Variants in ADGRF3 observed in about 807,000 individuals in gnomAD.
The protein encoded by ADGRF3 is G protein-coupled receptor 113.
A neutral mutation model predicts 93.2 loss-of-function variants in ADGRF3; 85 were observed. The observed-to-expected ratio is 0.91, with a 90% CI of 0.77 to 1.09. ADGRF3 has a LOEUF of 1.09. ADGRF3 is among the 50% of genes least tolerant of loss of function. The pLI is 0.00. For missense variants in ADGRF3, 1,125 were observed against 1,246.2 expected, an observed-to-expected ratio of 0.90 and a Z score of 1.46; for synonymous variants, 534 against 532.5, an observed-to-expected ratio of 1.00 and a Z score of -0.04.
chr2:26,323,686 A>G (rs1675282328), intron 1 of ADGRF3, among the ~76,000 whole-genome samples: 1 of 150,610 alleles, frequency 6.6e-6, no homozygotes, highest in Admixed American at 6.6e-5. Flanking sequence ...GTGAAGTACA[A>G]TGGTGCGATC....
intron 2 of ADGRF3, 93 bp from the exon 3 acceptor site, chr2:26,317,148 GA>G: frequency 7.3e-7 from 1 of 1,363,990 alleles, no homozygotes; most frequent in Non-Finnish European, 1.0e-6. Context: ...CCAGTCCCAG[GA>G]ATGCAGAGCA....
intron 1 of ADGRF3, among the ~76,000 whole-genome samples, chr2:26,343,226 A>G (rs1044720941): frequency 6.6e-6 from 1 of 152,152 alleles, no homozygotes; most frequent in Non-Finnish European, 1.5e-5. Context: ...AAACATGGTT[A>G]TATGGAGCAT....
At chr2:26,332,745 A>C (rs1179322112) in intron 1 of ADGRF3, among the ~76,000 whole-genome samples, 2 of 151,646 alleles carry the variant, frequency 1.3e-5, no homozygotes, top group African/African-American at 4.8e-5. Context: ...GTCTCAAAAA[A>C]TATATATACA....
chr2:26,314,480 T>C lies in ADGRF3; in HGVS notation c.862A>G (p.Ser288Gly). 1 of 1,613,990 alleles carries C rather than the reference T, an allele frequency of 6.2e-7. No homozygotes were observed. Among genetic ancestry groups the C allele is most frequent in the Non-Finnish European group, 8.5e-7 (1 of 1,179,878 alleles). ...AGGTTTGTGCTGGGGATGCAGCAGC[T>C]CAGCTGGAAGCCAGGGGAGGTGGCA... ...SCATSPGFQL[S>G]CCIPSTNLAY... Residue 288 changes from serine to glycine, a missense_variant, in exon 6 of 14, where the codon AGC (serine) becomes GGC (glycine). Transcript: ENST00000651242.
intron 5 of ADGRF3, 103 bp downstream of exon 5, chr2:26,315,419 G>T: frequency 8.4e-7 from 1 of 1,189,558 alleles, no homozygotes; most frequent in Non-Finnish European, 1.2e-6. Context: ...GAGAAGGGAG[G>T]GAGGCGTGGG....
intron 1 of ADGRF3, among the ~76,000 whole-genome samples, 170 bp from the exon 2 acceptor site, chr2:26,317,732 G>C (rs148960050): frequency 8.5e-4 from 130 of 152,316 alleles, no homozygotes; most frequent in African/African-American, 3.0e-3. Flanking sequence ...GGGTGCCAGG[G>C]ATGCAACCCC....
intron 13 of ADGRF3, 121 bp downstream of exon 13, chr2:26,309,405 T>C: frequency 6.5e-7 from 1 of 1,531,052 alleles, no homozygotes; most frequent in Non-Finnish European, 8.8e-7. Context: ...TTTCCTACCC[T>C]TTGGTGTGGG....
At chr2:26,312,878 C>T in intron 9 of ADGRF3, 65 bp downstream of exon 9, 1 of 1,460,818 alleles carries the variant, frequency 6.8e-7, no homozygotes, top group African/African-American at 1.4e-5. Flanking sequence ...CAGAAATGCC[C>T]ACAGGTGGGG....
At chr2:26,322,322 T>G (rs1442110808) in intron 1 of ADGRF3, among the ~76,000 whole-genome samples, 2 of 150,088 alleles carry the variant, frequency 1.3e-5, no homozygotes, top group Non-Finnish European at 3.0e-5. Flanking sequence ...AAAAGAAAGC[T>G]GATGGAGCTG....
intron 1 of ADGRF3, among the ~76,000 whole-genome samples, chr2:26,326,597 C>G (rs563293854): frequency 6.6e-6 from 1 of 151,954 alleles, no homozygotes; most frequent in Non-Finnish European, 1.5e-5. Context: ...GTCAATAAAC[C>G]TAGAAAATAT....
chr2:26,314,709 T>C (rs1459404339), intron 5 of ADGRF3, 86 bp from the exon 6 acceptor site: 1 of 1,293,212 alleles, frequency 7.7e-7, no homozygotes, highest in African/African-American at 1.5e-5. Flanking sequence ...GCCACAGCCT[T>C]GCTCCTGTCC....
At chr2:26,315,838 C>T (rs1257626901) in intron 4 of ADGRF3, 98 bp from the exon 5 acceptor site, 3 of 1,491,768 alleles carry the variant, frequency 2.0e-6, no homozygotes, top group East Asian at 2.5e-5. Flanking sequence ...GAGCCCATTC[C>T]TCCACACTCC....
intron 1 of ADGRF3, 38 bp downstream of exon 1, chr2:26,346,083 G>C (rs1676725641): frequency 6.5e-7 from 1 of 1,540,576 alleles, no homozygotes; most frequent in South Asian, 1.2e-5. Context: ...GGCCGAGGCG[G>C]CTACGCGTGC....
chr2:26,326,931 G>A (rs575716833), intron 1 of ADGRF3, among the ~76,000 whole-genome samples: 108 of 152,134 alleles, frequency 7.1e-4, no homozygotes, highest in African/African-American at 2.4e-3. Context: ...CACCACTCCC[G>A]GCTAATTTTT....
At chr2:26,309,811 G>A in intron 12 of ADGRF3, 1 of 1,061,450 alleles carries the variant, frequency 9.4e-7, no homozygotes, top group Middle Eastern at 2.5e-4. Context: ...AGAAAAGAGA[G>A]TCAGCAGGAG....
chr2:26,310,643 T>G (rs1038615506), intron 10 of ADGRF3, 49 bp downstream of exon 10: 8 of 1,549,210 alleles, frequency 5.2e-6, no homozygotes, highest in Non-Finnish European at 6.1e-6. Context: ...CGGCAGTGAC[T>G]TAGACCATCT....
chr2:26,344,457 C>G (rs1001662555), intron 1 of ADGRF3, among the ~76,000 whole-genome samples: 2 of 152,156 alleles, frequency 1.3e-5, no homozygotes, highest in Admixed American at 1.3e-4. Flanking sequence ...ACTCTCATTT[C>G]TAATGTTCTT....
intron 1 of ADGRF3, among the ~76,000 whole-genome samples, chr2:26,344,597 C>A (rs967229674): frequency 1.3e-5 from 2 of 152,182 alleles, no homozygotes; most frequent in Non-Finnish European, 2.9e-5. Flanking sequence ...GTATAAGATG[C>A]AAATACTGCC....
intron 1 of ADGRF3, among the ~76,000 whole-genome samples, chr2:26,320,321 A>C (rs966057385): frequency 6.6e-6 from 1 of 152,128 alleles, no homozygotes; most frequent in Non-Finnish European, 1.5e-5. Context: ...ACATGGTGAA[A>C]CCCTGTCTCA....
Sources: allele counts gnomAD v4.1 joint callset (sites outside exome capture counted in the v4.1 genomes callset), GRCh38; gene constraint gnomAD v4.1.1; transcripts MANE v1.5; gene names NCBI Gene and HGNC (gene_info 2026-07-23, HGNC 2026-07-21).